CHD6: variants seen among roughly 807,000 people sequenced by gnomAD.
The protein encoded by CHD6 is ATP-dependent chromatin remodeler CHD6.
CHD6 carries 50 observed loss-of-function variants against 276.9 expected under a neutral mutation model. The observed-to-expected ratio is 0.18, with a 90% CI of 0.14 to 0.23. The LOEUF is 0.23. CHD6 is among the 10% of genes least tolerant of loss of function. CHD6 has a pLI of 1.00. For synonymous variants in CHD6, 1,173 were observed against 1,229.3 expected (o/e 0.95, Z 0.96); for missense variants, 2,564 against 3,365.8 (o/e 0.76, Z 5.89).
chr20:41,481,692 T>A (rs952049532), intron 16 of CHD6, among the ~76,000 whole-genome samples: 1 of 152,070 alleles, frequency 6.6e-6, no homozygotes, highest in Non-Finnish European at 1.5e-5. Context: ...ACATTTATCC[T>A]AAAGAAATAA....
At chr20:41,601,693 T>C (rs2045774964) in intron 1 of CHD6, among the ~76,000 whole-genome samples, 1 of 152,236 alleles carries the variant, frequency 6.6e-6, no homozygotes, top group African/African-American at 2.4e-5. Context: ...CCCAAACAAG[T>C]TACTTTACCT....
chr20:41,549,435 C>A (rs1489444035), intron 2 of CHD6, among the ~76,000 whole-genome samples: 1 of 135,542 alleles, frequency 7.4e-6, no homozygotes, highest in Non-Finnish European at 1.5e-5. Context: ...CAGGTGGGAA[C>A]TGAACAATGA....
At chr20:41,616,766 C>T (rs1363902008) in intron 1 of CHD6, among the ~76,000 whole-genome samples, 1 of 152,128 alleles carries the variant, frequency 6.6e-6, no homozygotes, top group African/African-American at 2.4e-5. Flanking sequence ...TTTTATCAAA[C>T]ACAGATCTCA....
chr20:41,594,120 A>C (rs2045692911), intron 1 of CHD6, among the ~76,000 whole-genome samples: 1 of 152,198 alleles, frequency 6.6e-6, no homozygotes, highest in South Asian at 2.1e-4. Context: ...CACATTCATA[A>C]TAAGCATCCC....
chr20:41,483,954 T>C (rs1324378049), intron 15 of CHD6, among the ~76,000 whole-genome samples: 1 of 152,246 alleles, frequency 6.6e-6, no homozygotes, highest in Non-Finnish European at 1.5e-5. Flanking sequence ...AACTGTTAAT[T>C]TGTCTACAGA....
At chr20:41,422,444 G>A (rs1483892012) in intron 30 of CHD6, among the ~76,000 whole-genome samples, 1 of 151,996 alleles carries the variant, frequency 6.6e-6, no homozygotes, top group Non-Finnish European at 1.5e-5. Flanking sequence ...TTCAAGACCA[G>A]CCCGGGCAAC....
At chr20:41,416,892 C>T (rs963175367) in intron 32 of CHD6, 98 bp from the exon 33 acceptor site, 24 of 1,064,482 alleles carry the variant, frequency 2.3e-5, no homozygotes, top group South Asian at 3.5e-5. Flanking sequence ...CAGAAGGAGT[C>T]GATAAGAAAA....
intron 2 of CHD6, chr20:41,547,659 C>G: frequency 1.4e-6 from 1 of 724,302 alleles, no homozygotes; most frequent in Non-Finnish European, 2.3e-6. Context: ...TGCCTCTGCC[C>G]TAATCATCAA....
chr20:41,594,107 C>T (rs1021361214), intron 1 of CHD6, among the ~76,000 whole-genome samples: 11 of 151,774 alleles, frequency 7.2e-5, no homozygotes, highest in African/African-American at 2.4e-4. Context: ...TTGAAAAAAA[C>T]ACCACATTCA....
chr20:41,456,899 T>C (rs556226429), intron 18 of CHD6, among the ~76,000 whole-genome samples: 1 of 152,308 alleles, frequency 6.6e-6, no homozygotes, highest in South Asian at 2.1e-4. Context: ...GGGACATAGA[T>C]AAAATTGGTC....
rs545527899 is a variant in CHD6, at chr20:41,476,537, C to A, written c.2469-3020G>T. On this transcript the variant is annotated intron_variant, in intron 16 of 36. Coordinates refer to ENST00000373233, the MANE Select transcript of CHD6 (RefSeq NM_032221.5). The stretch of plus-strand genomic sequence containing the variant: ...AAAGCAAAACAAAACAAAACCAACA[C>A]CAAAAACCATTCACAACAGTTACAA... Among the ~76,000 whole-genome samples the A allele has an allele frequency of 2.0e-5, 3 of 152,142 alleles. No homozygotes were observed. The South Asian group carries it at 6.2e-4, about 32-fold the overall frequency.
chr20:41,552,897 G>C (rs1209701781), intron 1 of CHD6, among the ~76,000 whole-genome samples: 3 of 152,158 alleles, frequency 2.0e-5, no homozygotes, highest in Non-Finnish European at 4.4e-5. Context: ...TCAGGGAAAG[G>C]CAAGTCCAGT....
intron 17 of CHD6, among the ~76,000 whole-genome samples, chr20:41,460,265 CCTGA>C (rs1266417617): frequency 6.6e-6 from 1 of 152,164 alleles, no homozygotes; most frequent in Non-Finnish European, 1.5e-5. Flanking sequence ...AAATTTGCAG[CCTGA>C]CTATGCGATA....
intron 15 of CHD6, 90 bp from the exon 16 acceptor site, chr20:41,483,609 G>T: frequency 1.1e-6 from 1 of 949,610 alleles, no homozygotes; most frequent in Non-Finnish European, 1.6e-6. Context: ...AAAATGAAGT[G>T]AATTCTTAGG....
intron 2 of CHD6, among the ~76,000 whole-genome samples, chr20:41,535,158 T>C (rs1004193350): frequency 6.6e-6 from 1 of 152,066 alleles, no homozygotes; most frequent in African/African-American, 2.4e-5. Context: ...TCATATCTCA[T>C]GTCCAGGACC....
Position 41,440,001 on chromosome 20 carries a change from T to C in CHD6, c.4006A>G (p.Arg1336Gly), listed in dbSNP as rs1432734592. 1 of 1,614,010 alleles carries C rather than the reference T, an allele frequency of 6.2e-7. No homozygotes were observed. Among genetic ancestry groups the C allele is most frequent in the African/African-American group, 1.3e-5 (1 of 75,062 alleles). The change falls in exon 26 of 37, where the codon AGA (arginine) becomes GGA (glycine). Residue 1336 changes from arginine (R) to glycine (G), a missense_variant and splice_region_variant. Arg to Gly is a moderately radical substitution (Grantham distance 125). This residue lies in a region of CHD6 where 515 missense variants were observed against 739.5 expected (regional missense o/e 0.70). Transcript: ENST00000373233. ...GGGCTGGCCTACGTGGCTTCTCACC[T>C]TTCAGGAATGTCTGAGGTCCCATCT... ...VTDGTSDIPE[R>G]GNTDKEDNAE...
At chr20:41,598,018 T>C (rs994788934) in intron 1 of CHD6, among the ~76,000 whole-genome samples, 4 of 152,174 alleles carry the variant, frequency 2.6e-5, no homozygotes, top group South Asian at 2.1e-4. Flanking sequence ...CAATGTTCTA[T>C]GGACTACGAA....
rs1188936931 is a variant in CHD6 at position 41,423,720 on chromosome 20, G to C, written c.4347-20C>G. ...GTCCACCTTGAGATTTAATCAGAAA[G>C]GAAGAGTGAGCTCTTTCTTCTTTTT... On this transcript the variant is annotated intron_variant, in intron 29 of 36. Transcript: ENST00000373233. 6.3e-7 allele frequency: 1 copy of C among 1,595,052 alleles called. No individual in the cohort carries two copies. Among genetic ancestry groups the C allele is most frequent in the Non-Finnish European group, 8.6e-7 (1 of 1,164,226 alleles).
chr20:41,499,708 G>C (rs377046716), intron 5 of CHD6, among the ~76,000 whole-genome samples: 5 of 152,078 alleles, frequency 3.3e-5, no homozygotes, highest in Non-Finnish European at 7.4e-5. Flanking sequence ...TAAGAGTATG[G>C]GGTCTTAAAA....
Sources: allele counts gnomAD v4.1 joint callset (sites outside exome capture counted in the v4.1 genomes callset), GRCh38; gene constraint gnomAD v4.1.1; regional missense constraint gnomAD v4.1.1; transcripts MANE v1.5; gene names NCBI Gene and HGNC (gene_info 2026-07-23, HGNC 2026-07-21).